ANO4: variants seen among roughly 807,000 people sequenced by gnomAD.
ANO4 encodes the protein anoctamin 4.
In ANO4, 69 loss-of-function variants were observed where a neutral mutation model predicts 141.9. The observed-to-expected ratio is 0.49, with a 90% CI of 0.40 to 0.59. ANO4 has a LOEUF of 0.59. ANO4 is among the 20% of genes least tolerant of loss of function. ANO4 has a pLI of 0.00. For missense variants in ANO4, 894 were observed against 1,162.2 expected (o/e 0.77, Z 3.36); for synonymous variants, 350 against 394.3 (o/e 0.89, Z 1.33).
chr12:100,887,636 G>A (rs2039902594), intron 1 of ANO4, among the ~76,000 whole-genome samples: 1 of 152,090 alleles, frequency 6.6e-6, no homozygotes. Flanking sequence ...GTCAGACAGT[G>A]AGCTCATGAG....
At position 100,901,669 on chromosome 12, in the gene ANO4, G is replaced by T. The variant is rs191009660; in HGVS notation, c.-117G>T. 4.3e-4 allele frequency: 377 copies of T among 877,050 alleles called. 1 individual carries two copies. The highest frequency in any genetic ancestry group is 1.4e-5 in the Non-Finnish European group (7 of 507,502). The allele number at this position is 877,050 out of a possible 1,614,324, so 54.3% of individuals were successfully genotyped here. ...AGGTTTAAGTTTATCTATTCATGGGGCTGAAAAGCGTTTGCAAATCCATCA... is the reference window on the plus strand; with the variant it reads ...AGGTTTAAGTTTATCTATTCATGGGTCTGAAAAGCGTTTGCAAATCCATCA... On this transcript the variant is annotated 5_prime_UTR_variant, in exon 2 of 28. Transcript: ENST00000392977.
chr12:100,950,397 T>C (rs1450150356), intron 5 of ANO4, among the ~76,000 whole-genome samples: 1 of 152,214 alleles, frequency 6.6e-6, no homozygotes, highest in Non-Finnish European at 1.5e-5. Flanking sequence ...AAGCAGATTT[T>C]CTTCTGAACC....
At chr12:100,813,030 AC>A (rs1233341395) in intron 1 of ANO4, among the ~76,000 whole-genome samples, 1 of 152,156 alleles carries the variant, frequency 6.6e-6, no homozygotes, top group Non-Finnish European at 1.5e-5. Context: ...TTAACATTGA[AC>A]TTGAAGTGGC....
At chr12:100,891,622 A>C in intron 1 of ANO4, among the ~76,000 whole-genome samples, 1 of 152,174 alleles carries the variant, frequency 6.6e-6, no homozygotes, top group Non-Finnish European at 1.5e-5. Flanking sequence ...TTATTTATGT[A>C]CTTATTTTCA....
intron 8 of ANO4, among the ~76,000 whole-genome samples, chr12:100,999,823 T>C (rs1019092412): frequency 6.6e-6 from 1 of 151,770 alleles, no homozygotes; most frequent in African/African-American, 2.4e-5. Context: ...TGCAGGCAGA[T>C]TGCTTGCAGC....
intron 2 of ANO4, among the ~76,000 whole-genome samples, chr12:100,903,967 C>T (rs1361636349): frequency 6.6e-6 from 1 of 152,166 alleles, no homozygotes; most frequent in Non-Finnish European, 1.5e-5. Flanking sequence ...CTGTTTCATG[C>T]CTCCCAACCT....
At chr12:100,856,437 T>C (rs200709967) in intron 1 of ANO4, among the ~76,000 whole-genome samples, 1 of 152,136 alleles carries the variant, frequency 6.6e-6, no homozygotes, top group East Asian at 1.9e-4. Flanking sequence ...TGTAACTCAG[T>C]AGTAAGTGCT....
At chr12:100,781,434 G>T (rs952923407) in intron 3 of ANO4, among the ~76,000 whole-genome samples, 1 of 152,078 alleles carries the variant, frequency 6.6e-6, no homozygotes, top group Non-Finnish European at 1.5e-5. Flanking sequence ...CTTACATGCT[G>T]TATCAGTGAG....
At chr12:100,802,728 GACAGAAAAAC>G (rs1015858987) in intron 1 of ANO4, among the ~76,000 whole-genome samples, 3 of 152,144 alleles carry the variant, frequency 2.0e-5, no homozygotes, top group African/African-American at 7.2e-5. Flanking sequence ...GGGAGGGGGA[GACAGAAAAAC>G]ACATTAGCAA....
chr12:101,068,349 G>A lies in ANO4; in HGVS notation c.1313-10844G>A, dbSNP rs567760824. 3 of 1,137,066 alleles carry A rather than the reference G, an allele frequency of 2.6e-6. No individual in the cohort carries two copies. The South Asian group carries it at 3.7e-5, about 14-fold the overall frequency. 70.4% of individuals were successfully genotyped at this position (1,137,066 alleles called of 1,614,324 possible). A position where few individuals can be genotyped will look rare whatever the true frequency, so the allele number is the denominator to read the frequency against. ...CCTTGAGAGAAGATGCAGAAACTGG[G>A]AGAAGGTAAAGGGTCTTTGACCAAA... On this transcript the variant is annotated intron_variant, in intron 14 of 27. Coordinates refer to ENST00000392977, the MANE Select transcript of ANO4 (RefSeq NM_001286615.2).
intron 5 of ANO4, among the ~76,000 whole-genome samples, chr12:100,959,112 C>CCACACA (rs555751714): frequency 1.9e-4 from 29 of 151,776 alleles, no homozygotes; most frequent in African/African-American, 6.8e-4. Context: ...CAACCCCCCT[C>CCACACA]CACAGACACA....
intron 3 of ANO4, among the ~76,000 whole-genome samples, chr12:100,757,857 T>A (rs960790537): frequency 6.6e-6 from 1 of 152,088 alleles, no homozygotes; most frequent in African/African-American, 2.4e-5. Context: ...TCTGTAGGAG[T>A]TTTTCCTCCT....
chr12:100,979,895 C>CTTTTTTT lies in ANO4; in HGVS notation c.602+5018_602+5024dup, dbSNP rs71091474. Among the ~76,000 whole-genome samples, 52 of 119,406 alleles carry CTTTTTTT rather than the reference C, an allele frequency of 4.4e-4. 1 individual carries two copies. The highest frequency in any genetic ancestry group is 7.5e-4 in the African/African-American group (24 of 31,824). The allele number at this position is 119,406 out of a possible 152,430, so 78.3% of individuals were successfully genotyped here. On this transcript the variant is annotated intron_variant, in intron 7 of 27. Coordinates refer to ENST00000392977, the MANE Select transcript of ANO4 (RefSeq NM_001286615.2). ...GGCGCCCACCACCACGCCCAGCTGA[C>CTTTTTTT]TTTTTTTTTTTTTTTTTTGTATTTT...
intron 1 of ANO4, among the ~76,000 whole-genome samples, chr12:100,830,672 A>G (rs1011549381): frequency 1.1e-4 from 17 of 152,034 alleles, no homozygotes; most frequent in Non-Finnish European, 2.1e-4. Flanking sequence ...TTCTTATGTC[A>G]TCCTTCCTGC....
intron 3 of ANO4, among the ~76,000 whole-genome samples, chr12:100,745,836 A>C (rs2032076343): frequency 6.6e-6 from 1 of 152,246 alleles, no homozygotes; most frequent in Non-Finnish European, 1.5e-5. Flanking sequence ...AAGTAGAATA[A>C]ATAAAAATAT....
intron 8 of ANO4, among the ~76,000 whole-genome samples, chr12:101,002,049 C>A (rs1304582457): frequency 6.6e-6 from 1 of 152,144 alleles, no homozygotes; most frequent in Non-Finnish European, 1.5e-5. Flanking sequence ...CCCACCATCA[C>A]CACCAAATCC....
chr12:100,752,481 A>G (rs1203108698), intron 3 of ANO4, among the ~76,000 whole-genome samples: 2 of 152,192 alleles, frequency 1.3e-5, no homozygotes, highest in Non-Finnish European at 2.9e-5. Context: ...CAACAAGTCA[A>G]GATCCATTAA....
At chr12:101,105,295 A>G (rs1436954767) in intron 22 of ANO4, among the ~76,000 whole-genome samples, 1 of 152,194 alleles carries the variant, frequency 6.6e-6, no homozygotes, top group Non-Finnish European at 1.5e-5. Flanking sequence ...TTCTTTCTTT[A>G]TGGTAGAAAA....
chr12:100,719,942 G>A lies in ANO4; in HGVS notation c.22+2395G>A, dbSNP rs546558353. On this transcript the variant is annotated intron_variant, in intron 1 of 29. Transcript: ENST00000644049. ...GTAATCAGTAACTGTAATCCCCACC[G>A]GTAAAAATATGTTCAATGAATGATG... is the stretch of plus-strand genomic sequence containing the variant. 5.9e-5 allele frequency among the ~76,000 whole-genome samples: 9 copies of A among 152,194 alleles called. No homozygotes were observed. The South Asian group carries it at 1.0e-3, about 18-fold the overall frequency.
Sources: allele counts gnomAD v4.1 joint callset (sites outside exome capture counted in the v4.1 genomes callset), GRCh38; gene constraint gnomAD v4.1.1; transcripts MANE v1.5; gene names NCBI Gene and HGNC (gene_info 2026-07-23, HGNC 2026-07-21).